LIN37: variants seen among roughly 807,000 people sequenced by gnomAD.
LIN37 encodes the protein lin-37 DREAM MuvB core complex component.
LIN37 carries 21 observed loss-of-function variants against 38.0 expected under a neutral mutation model. The ratio of observed to expected loss-of-function variants is 0.55; its 90% CI spans 0.39 to 0.80. LIN37 has a LOEUF of 0.80. Ranked by LOEUF, LIN37 falls within the 30% of genes least tolerant of loss-of-function variation. The pLI, the probability that LIN37 is intolerant of heterozygous loss-of-function variation, is 0.00. For missense variants in LIN37, 273 were observed against 338.5 expected, an observed-to-expected ratio of 0.81 and a Z score of 1.52; for synonymous variants, 126 against 122.9, an observed-to-expected ratio of 1.03 and a Z score of -0.17.
At chr19:35,752,074 T>C (rs1970685823) in intron 1 of LIN37, 102 bp from the exon 2 acceptor site, 3 of 839,912 alleles carry the variant, frequency 3.6e-6, no homozygotes, top group Non-Finnish European at 5.8e-6. Flanking sequence ...GGCTCTGAGA[T>C]TGGCCAGGGC....
At position 35,754,275 on chromosome 19, in the gene LIN37, A is replaced by C. The variant is rs1241155025; in HGVS notation, c.615A>C (p.Thr205=). Residue 205 remains threonine, a synonymous_variant, in exon 8 of 9, where the codon ACA becomes ACC. Coordinates refer to ENST00000301159, the MANE Select transcript of LIN37 (RefSeq NM_019104.3). The part of the protein sequence containing the change: ...EPSEPEPSPS[T]LIYRNMQRWK... ...CTGAGCCCGAGCCCTCACCCTCCAC[A>C]CTCATCTATCGCAACATGCAGCGCT... The C allele has an allele frequency of 1.2e-6, 2 of 1,613,758 alleles. No individual in the cohort carries two copies. Among genetic ancestry groups the C allele is most frequent in the Non-Finnish European group, 1.7e-6 (2 of 1,179,824 alleles).
intron 1 of LIN37, among the ~76,000 whole-genome samples, chr19:35,751,230 A>G (rs960055146): frequency 2.6e-5 from 4 of 151,934 alleles, no homozygotes; most frequent in Non-Finnish European, 5.9e-5. Context: ...CTGAGGCAGG[A>G]GAATCACTTG....
intron 4 of LIN37, 39 bp downstream of exon 4, chr19:35,752,872 C>A: frequency 1.3e-6 from 2 of 1,597,368 alleles, no homozygotes; most frequent in South Asian, 2.3e-5. Context: ...CTAGAGGCTC[C>A]CAGCTCCTAC....
intron 8 of LIN37, 33 bp from the exon 9 acceptor site, chr19:35,754,354 GCCCTTT>G: frequency 1.2e-6 from 2 of 1,614,002 alleles, no homozygotes; most frequent in Non-Finnish European, 1.7e-6. Flanking sequence ...CCCTCGTAGG[GCCCTTT>G]GCAACTGCTG....
chr19:35,749,742 T>C (rs186726), intron 1 of LIN37, among the ~76,000 whole-genome samples: 2 of 145,112 alleles, frequency 1.4e-5, no homozygotes, highest in Non-Finnish European at 3.0e-5. Flanking sequence ...GAGGCGGAGG[T>C]TGCAGTGAGC....
intron 5 of LIN37, 22 bp downstream of exon 5, chr19:35,753,021 A>G: frequency 1.3e-6 from 2 of 1,570,090 alleles, no homozygotes; most frequent in Non-Finnish European, 1.7e-6. Context: ...GTGGCCCTAG[A>G]GGGTCGGTAA....
At chr19:35,752,751 CT>C in intron 3 of LIN37, 52 bp from the exon 4 acceptor site, 2 of 1,593,774 alleles carry the variant, frequency 1.3e-6, no homozygotes, top group Non-Finnish European at 1.7e-6. Context: ...AGGGTGCCCT[CT>C]GCAGGGTTTT....
At chr19:35,753,758 A>G in intron 6 of LIN37, 1 of 571,572 alleles carries the variant, frequency 1.7e-6, no homozygotes, top group Non-Finnish European at 3.1e-6. Context: ...TCCCTGAGGC[A>G]GGCAGACGCG....
chr19:35,754,123 T>G lies in LIN37; in HGVS notation c.551T>G (p.Leu184Arg), dbSNP rs372693905. The G allele has an allele frequency of 2.5e-6, 4 of 1,613,982 alleles. No homozygotes were observed. The highest frequency in any genetic ancestry group is 3.4e-6 in the Non-Finnish European group (4 of 1,179,874). Residue 184 changes from leucine (L) to arginine (R), a missense_variant, in exon 7 of 9, where the codon CTG becomes CGG. Coordinates refer to ENST00000301159, the MANE Select transcript of LIN37 (RefSeq NM_019104.3). ...TGCAGATCCCGCATCCCATCTCCAC[T>G]GCAGCCTGAGATGCAGGGCACCCCT... Reference protein sequence around the residue: ...DACRSRIPSPLQPEMQGTPDD... With the variant: ...DACRSRIPSPRQPEMQGTPDD...
Position 35,753,122 on chromosome 19 carries a change from G to T in LIN37, c.313G>T (p.Asp105Tyr), listed in dbSNP as rs1200455656. Residue 105 changes from aspartate (D) to tyrosine (Y), a missense_variant, in exon 6 of 9, where the codon GAC becomes TAC. Coordinates refer to ENST00000301159, the MANE Select transcript of LIN37 (RefSeq NM_019104.3). ...YVIKLFDRSVDLAQFSENTPL... is the reference protein window; with the variant it reads ...YVIKLFDRSVYLAQFSENTPL... ...GATCAAGCTGTTCGACCGGAGCGTG[G>T]ACTTGGCCCAGTTCAGCGAGAACAC... is the stretch of plus-strand genomic sequence containing the variant. 3 of 1,604,996 alleles carry T rather than the reference G, an allele frequency of 1.9e-6. No individual in the cohort carries two copies.
At position 35,754,488 on chromosome 19, in the gene LIN37, C is replaced by T. The variant is rs1360030715; in HGVS notation, c.*14C>T. On this transcript the variant is annotated 3_prime_UTR_variant, in exon 9 of 9. Coordinates refer to ENST00000301159, the MANE Select transcript of LIN37 (RefSeq NM_019104.3). ...GAACGACAGTGATGTTCCCAGGTCC[C>T]CCCACACCAGTAAACATCCCCCAGC... 1.9e-6 allele frequency: 3 copies of T among 1,612,214 alleles called. No homozygotes were observed. In the African/African-American group the frequency reaches 4.0e-5, roughly 22 times the overall value.
intron 6 of LIN37, chr19:35,753,643 G>C (rs1970711616): frequency 2.0e-6 from 1 of 489,778 alleles, no homozygotes; most frequent in Admixed American, 3.3e-5. Flanking sequence ...CAGCGGGGTA[G>C]ACAAGGGTCC....
In LIN37 at chr19:35,752,028, C is replaced by G. The variant is rs1044060014; in HGVS notation, c.35-148C>G. ...GAGCTCTGGGCATCACTCCAGCCAT[C>G]TCTGCCTGTTGCACCCTTTCAGGCT... On this transcript the variant is annotated intron_variant, in intron 1 of 8. Coordinates refer to ENST00000301159, the MANE Select transcript of LIN37 (RefSeq NM_019104.3). 1.8e-4 allele frequency: 110 copies of G among 619,868 alleles called. 1 individual carries two copies. In the Admixed American group the frequency reaches 2.3e-3, roughly 13 times the overall value. The allele number at this position is 619,868 out of a possible 1,614,324, so 38.4% of individuals were successfully genotyped here.
intron 3 of LIN37, 34 bp from the exon 4 acceptor site, chr19:35,752,769 GC>G: frequency 6.2e-7 from 1 of 1,605,172 alleles, no homozygotes; most frequent in Non-Finnish European, 8.5e-7. Context: ...TTTTGCACAG[GC>G]GTTTGTCTGA....
At position 35,754,055 on chromosome 19, in the gene LIN37, C is replaced by T. The variant is rs1970717458; in HGVS notation, c.483C>T (p.Tyr161=). 2.5e-6 allele frequency: 4 copies of T among 1,613,846 alleles called. No homozygotes were observed. The highest frequency in any genetic ancestry group is 3.4e-6 in the Non-Finnish European group (4 of 1,179,874). Residue 161 remains tyrosine, a synonymous_variant, in exon 7 of 9, where the codon TAC becomes TAT. Coordinates refer to ENST00000301159, the MANE Select transcript of LIN37 (RefSeq NM_019104.3). ...CCAACAGCAAGAGTCGTGATGTGTA[C>T]AAGCTGCCGCCACCCACACCCCCGG... ...EVTNSKSRDV[Y]KLPPPTPPGP...
At chr19:35,750,940 G>T (rs1347112299) in intron 1 of LIN37, among the ~76,000 whole-genome samples, 1 of 151,902 alleles carries the variant, frequency 6.6e-6, no homozygotes, top group African/African-American at 2.4e-5. Flanking sequence ...CAGCCTGGGA[G>T]ACAGAGCAAG....
intron 1 of LIN37, among the ~76,000 whole-genome samples, chr19:35,749,312 C>T (rs1048065521): frequency 2.6e-5 from 4 of 152,106 alleles, no homozygotes; most frequent in African/African-American, 9.7e-5. Flanking sequence ...CACTATATTC[C>T]AGTAATCCTA....
intron 1 of LIN37, 142 bp downstream of exon 1, chr19:35,748,900 C>G (rs1038887457): frequency 5.7e-5 from 90 of 1,566,650 alleles, no homozygotes; most frequent in Non-Finnish European, 7.7e-5. Context: ...AGGCAGCGAG[C>G]GTTGCCTGCC....
In LIN37 at chr19:35,752,237, G is replaced by A. The variant is rs770903533; in HGVS notation, c.96G>A (p.Lys32=). Residue 32 remains lysine (K), a synonymous_variant, in exon 2 of 9, where the codon AAG becomes AAA. Coordinates refer to ENST00000301159, the MANE Select transcript of LIN37 (RefSeq NM_019104.3). Reference sequence around the variant, plus strand: ...CTGTCTTGCAGTGTCTGCTGGAGAAGAGTCACATGGACAGGTAGGCCAGCG... The same window carrying A: ...CTGTCTTGCAGTGTCTGCTGGAGAAAAGTCACATGGACAGGTAGGCCAGCG... The part of the protein sequence containing the change: ...LDAVLQCLLE[K]SHMDRERLDE... The A allele has an allele frequency of 1.2e-6, 2 of 1,606,658 alleles. No homozygotes were observed. The highest frequency in any genetic ancestry group is 2.2e-5 in the South Asian group (2 of 89,718).
Sources: gnomAD v4.1 joint callset for allele counts (sites outside exome capture counted in the v4.1 genomes callset) on GRCh38, gnomAD v4.1.1 for gene constraint, MANE v1.5 for transcripts, NCBI Gene and HGNC (gene_info 2026-07-23, HGNC 2026-07-21) for gene names.